FRRS1: variants seen among roughly 807,000 people sequenced by gnomAD.
FRRS1 encodes ferric reductase 1.
FRRS1 carries 51 observed loss-of-function variants against 70.7 expected under a neutral mutation model. The observed-to-expected ratio is 0.72, with a 90% CI of 0.58 to 0.91. FRRS1 has a LOEUF of 0.91. FRRS1 is among the 40% of genes least tolerant of loss of function. FRRS1 has a pLI of 0.00. For synonymous variants in FRRS1, 225 were observed against 238.7 expected, an observed-to-expected ratio of 0.94 and a Z score of 0.53; for missense variants, 672 against 726.0, an observed-to-expected ratio of 0.93 and a Z score of 0.86.
intron 1 of FRRS1, among the ~76,000 whole-genome samples, chr1:99,756,204 C>A (rs1248956387): frequency 6.6e-6 from 1 of 152,162 alleles, no homozygotes; most frequent in Non-Finnish European, 1.5e-5. Context: ...TATTCCCATT[C>A]TGTTGTCTAT....
rs571394709 is a variant in FRRS1, at chr1:99,761,730, CA to C, written c.-106+4876del. On this transcript the variant is annotated intron_variant, in intron 1 of 16. Transcript: ENST00000646001. The stretch of plus-strand genomic sequence containing the variant: ...AATGCTAATCCTTGGAAGAAACATA[CA>C]AGGGTTTTTTCTGTTGTTGTTTTTA... Among the ~76,000 whole-genome samples the C allele has an allele frequency of 1.1e-3, 170 of 152,002 alleles. 1 individual carries two copies. Among genetic ancestry groups the C allele is most frequent in the African/African-American group, 3.8e-3 (157 of 41,444 alleles).
At chr1:99,709,734 G>A (rs1654183107) in intron 15 of FRRS1, among the ~76,000 whole-genome samples, 1 of 152,164 alleles carries the variant, frequency 6.6e-6, no homozygotes, top group African/African-American at 2.4e-5. Context: ...TTGGAAGGAA[G>A]AGGCGGGTAG....
At position 99,728,473 on chromosome 1, in the gene FRRS1, C is replaced by T; in HGVS notation, c.1006+20G>A. The T allele has an allele frequency of 6.4e-7, 1 of 1,559,020 alleles. No homozygotes were observed. Among genetic ancestry groups the T allele is most frequent in the Non-Finnish European group, 8.7e-7 (1 of 1,144,812 alleles). On this transcript the variant is annotated intron_variant, in intron 9 of 16. Transcript: ENST00000646001. ...AGAGAGAAAAAGACACTTGAAAAGACAGCTTAACAATATACTTACCATCAT... is the reference window on the plus strand; with the variant it reads ...AGAGAGAAAAAGACACTTGAAAAGATAGCTTAACAATATACTTACCATCAT...
intron 15 of FRRS1, among the ~76,000 whole-genome samples, chr1:99,709,476 C>T (rs1461638627): frequency 6.6e-6 from 1 of 152,094 alleles, no homozygotes; most frequent in African/African-American, 2.4e-5. Context: ...TTAAAATATG[C>T]CTTCTTCTAG....
At position 99,740,954 on chromosome 1, in the gene FRRS1, C is replaced by G. The variant is rs761705545; in HGVS notation, c.429-14G>C. The G allele has an allele frequency of 6.2e-7, 1 of 1,608,416 alleles. No individual in the cohort carries two copies. The highest frequency in any genetic ancestry group is 8.5e-7 in the Non-Finnish European group (1 of 1,175,064). ...ACAACTGTGACTCTGAAATGCAATACCAGTGAGATTAGAACCCTAATTGTG... is the reference window on the plus strand; with the variant it reads ...ACAACTGTGACTCTGAAATGCAATAGCAGTGAGATTAGAACCCTAATTGTG... On this transcript the variant is annotated splice_polypyrimidine_tract_variant and intron_variant, in intron 5 of 16. Transcript: ENST00000646001.
intron 7 of FRRS1, among the ~76,000 whole-genome samples, chr1:99,737,754 G>A (rs986168222): frequency 1.3e-5 from 2 of 151,990 alleles, no homozygotes; most frequent in African/African-American, 2.4e-5. Flanking sequence ...TTTTGGGGGG[G>A]TTTTTTTAGA....
rs1654110263 is a variant in FRRS1, at chr1:99,708,609, AAAAAAAAAAAAAAAAAATATATATATAT to A, written c.*391_*418del. ...CAAGACTCTGTCTCAAAAAAAAAAA[AAAAAAAAAAAAAAAAAATATATATATAT>A]ATATATATATATATATATATATATA... is the stretch of plus-strand genomic sequence containing the variant. On this transcript the variant is annotated 3_prime_UTR_variant, in exon 17 of 17. Transcript: ENST00000646001. 1 of 86,612 alleles carries A rather than the reference AAAAAAAAAAAAAAAAAATATATATATAT, an allele frequency of 1.2e-5. No individual in the cohort carries two copies. The highest frequency in any genetic ancestry group is 4.8e-4 in the South Asian group (1 of 2,078). The allele number at this position is 86,612 out of a possible 1,614,324, so 5.4% of individuals were successfully genotyped here. A position where few individuals can be genotyped will look rare whatever the true frequency, so the allele number is the denominator to read the frequency against.
At chr1:99,747,053 TTAA>T (rs1339153733) in intron 4 of FRRS1, among the ~76,000 whole-genome samples, 3 of 152,344 alleles carry the variant, frequency 2.0e-5, no homozygotes, top group Admixed American at 6.5e-5. Context: ...TCTTATTTTC[TTAA>T]TAAGATTTTT....
chr1:99,735,489 T>C (rs1452994232), intron 7 of FRRS1, among the ~76,000 whole-genome samples: 1 of 152,078 alleles, frequency 6.6e-6, no homozygotes, highest in African/African-American at 2.4e-5. Flanking sequence ...TCCAAAGAAA[T>C]AGCAGGTCAC....
At chr1:99,712,769 A>C (rs1049748015) in intron 12 of FRRS1, among the ~76,000 whole-genome samples, 2 of 152,240 alleles carry the variant, frequency 1.3e-5, no homozygotes, top group East Asian at 3.8e-4. Flanking sequence ...CAAATGGGGA[A>C]ACTGAGGCTC....
intron 1 of FRRS1, among the ~76,000 whole-genome samples, chr1:99,757,749 T>TA (rs1301961943): frequency 1.3e-5 from 2 of 152,188 alleles, no homozygotes; most frequent in African/African-American, 4.8e-5. Flanking sequence ...TTATGAGAAT[T>TA]ACAATGGCAT....
chr1:99,715,451 A>G (rs1279791922), intron 12 of FRRS1, 135 bp downstream of exon 12: 2 of 608,798 alleles, frequency 3.3e-6, no homozygotes, highest in South Asian at 3.9e-5. Flanking sequence ...TGAGAGAGCC[A>G]TCCAATGATT....
rs1170567807 is a variant in FRRS1, at chr1:99,747,370, A to G, written c.257T>C (p.Leu86Pro). The change falls in exon 4 of 17, where the codon CTG becomes CCG. Residue 86 changes from leucine (L) to proline (P), a missense_variant. By Grantham distance (98) the Leu-to-Pro change is moderately conservative (BLOSUM62 -3). Transcript: ENST00000646001. Reference sequence around the variant, plus strand: ...GAAGGAGCCAATAGGAGGGCCATTCAGATCCTCAGCATTACGCGCTTCTAG... The same window carrying G: ...GAAGGAGCCAATAGGAGGGCCATTCGGATCCTCAGCATTACGCGCTTCTAG... ...FLLEARNAED[L>P]NGPPIGSFTL... The G allele has an allele frequency of 3.1e-6, 5 of 1,613,580 alleles. No individual in the cohort carries two copies. The highest frequency in any genetic ancestry group is 1.7e-5 in the Admixed American group (1 of 59,996).
rs148320492 is a variant in FRRS1, at chr1:99,763,736, T to C, written c.-106+2871A>G. On this transcript the variant is annotated intron_variant, in intron 1 of 16. Coordinates refer to ENST00000646001, the MANE Select transcript of FRRS1 (RefSeq NM_001361041.2). ...ATACAAAAGTAGCCGGGCTTGGGGG[T>C]GCATGCCTGTAATCCCAGCTACTCG... Among the ~76,000 whole-genome samples the C allele has an allele frequency of 6.9e-3, 1,044 of 151,032 alleles. 18 individuals carry two copies. The highest frequency in any genetic ancestry group is 0.024 in the African/African-American group (1,001 of 41,112).
At chr1:99,728,428 TG>T (rs1655173278) in intron 9 of FRRS1, 64 bp downstream of exon 9, 2 of 1,367,226 alleles carry the variant, frequency 1.5e-6, no homozygotes, top group Non-Finnish European at 2.0e-6. Flanking sequence ...TTTCCAAAAA[TG>T]GGGGAAAGAG....
intron 12 of FRRS1, among the ~76,000 whole-genome samples, chr1:99,715,349 C>A (rs1009060429): frequency 1.3e-5 from 2 of 152,124 alleles, no homozygotes; most frequent in Admixed American, 6.5e-5. Flanking sequence ...AAGGCTATAG[C>A]ATGTATATAA....
At chr1:99,753,603 T>TAA (rs138179402) in intron 1 of FRRS1, among the ~76,000 whole-genome samples, 1 of 151,500 alleles carries the variant, frequency 6.6e-6, no homozygotes, top group African/African-American at 2.4e-5. Context: ...CCATCTCTAC[T>TAA]AAAAAAATAC....
intron 12 of FRRS1, among the ~76,000 whole-genome samples, chr1:99,713,746 G>C (rs559794826): frequency 6.6e-6 from 1 of 152,324 alleles, no homozygotes; most frequent in East Asian, 1.9e-4. Context: ...GAACATATCA[G>C]TGGATATCCC....
rs1322513207 is a variant in FRRS1 at position 99,729,700 on chromosome 1, TG to T, written c.807del (p.Tyr269Ter). 1.2e-6 allele frequency: 2 copies of T among 1,613,744 alleles called. No individual in the cohort carries two copies. ...CGCCCCGTTAAATGGGAAGGCTGGA[TG>T]TACACAGTCTGATCTTCATGAATAC... ...YLCIHEDQTV[Y>X]IQPSHLTGRS... is the part of the protein sequence containing the mutation. On this transcript the variant is annotated frameshift_variant, in exon 8 of 17. Transcript: ENST00000646001. LOFTEE classifies it high-confidence loss of function.
Sources: allele counts gnomAD v4.1 joint callset (sites outside exome capture counted in the v4.1 genomes callset), GRCh38; gene constraint gnomAD v4.1.1; transcripts MANE v1.5; gene names NCBI Gene and HGNC (gene_info 2026-07-23, HGNC 2026-07-21).